The following VPS54 variants were observed in gnomAD, a reference collection of about 807,000 sequenced individuals.
VPS54 encodes vacuolar protein sorting-associated protein 54.
In VPS54, 45 loss-of-function variants were observed where a neutral mutation model predicts 121.5. The ratio of observed to expected loss-of-function variants is 0.37; its 90% CI spans 0.29 to 0.47. VPS54 has a LOEUF of 0.47. Among genes scored for constraint, VPS54 ranks in the 20% least tolerant of loss-of-function variants. The pLI, the probability that VPS54 is intolerant of heterozygous loss-of-function variation, is 0.99. For synonymous variants in VPS54, 371 were observed against 385.8 expected, an observed-to-expected ratio of 0.96 and a Z score of 0.45; for missense variants, 1,090 against 1,131.4, an observed-to-expected ratio of 0.96 and a Z score of 0.52.
intron 11 of VPS54, among the ~76,000 whole-genome samples, chr2:63,941,348 C>A (rs1674722530): frequency 6.6e-6 from 1 of 151,640 alleles, no homozygotes; most frequent in African/African-American, 2.4e-5. Context: ...CCTCAGCCAC[C>A]CAAGTAGCTG....
At chr2:63,910,260 C>A (rs1051045377) in intron 20 of VPS54, among the ~76,000 whole-genome samples, 12 of 151,820 alleles carry the variant, frequency 7.9e-5, no homozygotes, top group African/African-American at 2.7e-4. Flanking sequence ...ATGTAATATG[C>A]CAGAGTAATA....
At chr2:63,985,899 A>G (rs558224318) in intron 1 of VPS54, among the ~76,000 whole-genome samples, 1 of 152,338 alleles carries the variant, frequency 6.6e-6, no homozygotes, top group South Asian at 2.1e-4. Flanking sequence ...ACACATATTT[A>G]AGAGAGATAA....
chr2:63,975,015 A>T (rs924946118), intron 3 of VPS54: 1 of 1,549,518 alleles, frequency 6.5e-7, no homozygotes, highest in African/African-American at 1.4e-5. Context: ...GGAAGCATCT[A>T]GTTTCCCCAT....
rs1285374823 is a variant in VPS54 at position 63,966,418 on chromosome 2, A to C, written c.493-452T>G. ...GATTAAGCATACAATAAATATTAAA[A>C]CCAAAACAAATTCAATTTTATGAAT... On this transcript the variant is annotated intron_variant, in intron 5 of 22. Transcript: ENST00000272322. Among the ~76,000 whole-genome samples, 7 of 152,204 alleles carry C rather than the reference A, an allele frequency of 4.6e-5. No homozygotes were observed. In the East Asian group the frequency reaches 1.2e-3, roughly 25 times the overall value.
intron 11 of VPS54, among the ~76,000 whole-genome samples, chr2:63,940,779 T>C (rs996251500): frequency 1.3e-5 from 2 of 152,100 alleles, no homozygotes; most frequent in Admixed American, 1.3e-4. Flanking sequence ...AATGTAAGAG[T>C]TCTATATAAC....
At chr2:63,913,631 A>T (rs1673251487) in intron 17 of VPS54, among the ~76,000 whole-genome samples, 1 of 152,190 alleles carries the variant, frequency 6.6e-6, no homozygotes, top group South Asian at 2.1e-4. Context: ...AAAGTTATAA[A>T]AATCTGTCTT....
Position 63,972,290 on chromosome 2 carries a change from G to A in VPS54, c.379-46C>T, listed in dbSNP as rs371968849. The A allele has an allele frequency of 3.5e-5, 49 of 1,399,146 alleles. No individual in the cohort carries two copies. The African/African-American group carries it at 4.8e-4, about 14-fold the overall frequency. 86.7% of individuals were successfully genotyped at this position (1,399,146 alleles called of 1,614,324 possible). ...ATCATCAATGTATGTGTAAACATGAGTATTCAAAGCATGAAAGTGTTTTGC... is the reference window on the plus strand; with the variant it reads ...ATCATCAATGTATGTGTAAACATGAATATTCAAAGCATGAAAGTGTTTTGC... On this transcript the variant is annotated intron_variant, in intron 3 of 22. Transcript: ENST00000272322.
intron 1 of VPS54, among the ~76,000 whole-genome samples, chr2:63,993,001 C>G (rs1677400522): frequency 6.6e-6 from 1 of 152,140 alleles, no homozygotes; most frequent in African/African-American, 2.4e-5. Context: ...CCCAGTTTCC[C>G]CAGGCCTATA....
At chr2:63,945,182 C>T (rs1252832278) in intron 9 of VPS54, among the ~76,000 whole-genome samples, 7 of 151,968 alleles carry the variant, frequency 4.6e-5, no homozygotes, top group Admixed American at 6.6e-5. Context: ...ATGTGGTACA[C>T]GTACACCATG....
Position 63,899,588 on chromosome 2 carries a change from G to T in VPS54, c.2626-7C>A. 1 of 1,606,928 alleles carries T rather than the reference G, an allele frequency of 6.2e-7. No individual in the cohort carries two copies. On this transcript the variant is annotated splice_region_variant and splice_polypyrimidine_tract_variant and intron_variant, in intron 20 of 22. Coordinates refer to ENST00000272322, the MANE Select transcript of VPS54 (RefSeq NM_016516.3). ...CAGGAGCCTTCACTTCATACTGGTA[G>T]GAAAAAATAATGAGAATTATGTTCA...
intron 7 of VPS54, among the ~76,000 whole-genome samples, chr2:63,958,234 T>C (rs1272117732): frequency 6.6e-6 from 1 of 152,122 alleles, no homozygotes. Context: ...CATTACAGAA[T>C]ATAAACAAGG....
chr2:63,892,762 G>A lies in VPS54; in HGVS notation c.*668C>T, dbSNP rs964473808. The A allele has an allele frequency of 1.6e-4, 24 of 152,158 alleles. 1 individual carries two copies. The highest frequency in any genetic ancestry group is 5.8e-4 in the African/African-American group (24 of 41,370). 9.4% of individuals were successfully genotyped at this position (152,158 alleles called of 1,614,324 possible). ...TTAAGTATTAATTACTTAAAAAAAG[G>A]CTTAAGTCTTTCAGGTATTTAGAGA... is the stretch of plus-strand genomic sequence containing the variant. On this transcript the variant is annotated 3_prime_UTR_variant, in exon 23 of 23. Transcript: ENST00000272322.
chr2:64,005,789 A>G (rs1678116344), intron 1 of VPS54, among the ~76,000 whole-genome samples: 4 of 152,232 alleles, frequency 2.6e-5, no homozygotes, highest in Admixed American at 2.0e-4. Flanking sequence ...ATAAGTTAAA[A>G]TAAAGATGTA....
chr2:63,945,830 A>G (rs1021806108), intron 9 of VPS54, among the ~76,000 whole-genome samples: 26 of 152,320 alleles, frequency 1.7e-4, no homozygotes, highest in African/African-American at 6.3e-4. Flanking sequence ...GATACATGCA[A>G]CAGTTTAAAA....
intron 20 of VPS54, among the ~76,000 whole-genome samples, chr2:63,905,601 T>TG (rs1348109242): frequency 2.0e-5 from 3 of 151,696 alleles, no homozygotes; most frequent in Non-Finnish European, 2.9e-5. Context: ...ACCTAAAACT[T>TG]GGGGAAAAAA....
chr2:63,951,757 T>G (rs556665294), intron 7 of VPS54, among the ~76,000 whole-genome samples: 13 of 152,240 alleles, frequency 8.5e-5, no homozygotes, highest in Admixed American at 6.5e-4. Flanking sequence ...TGTGGTAAGT[T>G]TTTTCAACTT....
chr2:63,942,152 G>A (rs1674769936), intron 11 of VPS54, among the ~76,000 whole-genome samples: 1 of 151,798 alleles, frequency 6.6e-6, no homozygotes, highest in Non-Finnish European at 1.5e-5. Context: ...TGATTTTGGG[G>A]TGTTTAACAA....
intron 3 of VPS54, among the ~76,000 whole-genome samples, chr2:63,974,516 T>C (rs962452878): frequency 6.6e-6 from 1 of 152,234 alleles, no homozygotes; most frequent in African/African-American, 2.4e-5. Flanking sequence ...GTTGACTCTA[T>C]TGATCAAGTT....
intron 20 of VPS54, among the ~76,000 whole-genome samples, chr2:63,901,101 T>G (rs1197068112): frequency 1.3e-5 from 2 of 152,210 alleles, no homozygotes; most frequent in Admixed American, 6.5e-5. Context: ...ACTTCTAAAG[T>G]ACCATTCTAA....
Sources: gnomAD v4.1 joint callset for allele counts (sites outside exome capture counted in the v4.1 genomes callset) on GRCh38, gnomAD v4.1.1 for gene constraint, MANE v1.5 for transcripts, NCBI Gene and HGNC (gene_info 2026-07-23, HGNC 2026-07-21) for gene names.